EPHB4: variants seen among roughly 807,000 people sequenced by gnomAD.
EPHB4 encodes the protein EPH receptor B4.
A neutral mutation model predicts 110.6 loss-of-function variants in EPHB4; 50 were observed. The observed-to-expected ratio is 0.45, with a 90% CI of 0.36 to 0.57. The LOEUF (loss-of-function observed/expected upper bound fraction) is 0.57, where lower values mean the gene tolerates loss of function less well. Among genes scored for constraint, EPHB4 ranks in the 20% least tolerant of loss-of-function variants. The pLI is 0.00. For missense variants in EPHB4, 1,128 were observed against 1,382.1 expected, an observed-to-expected ratio of 0.82 and a Z score of 2.91; for synonymous variants, 592 against 578.4, an observed-to-expected ratio of 1.02 and a Z score of -0.34.
intron 12 of EPHB4, among the ~76,000 whole-genome samples, chr7:100,809,754 T>C (rs959131245): frequency 6.6e-6 from 1 of 152,198 alleles, no homozygotes; most frequent in African/African-American, 2.4e-5. Context: ...CCTCGAGTGA[T>C]CCACCAGCCT....
chr7:100,807,341 ACCCAGTATTACC>A lies in EPHB4; in HGVS notation c.2334+12_2334+23del, dbSNP rs1812837938. ...GCCCACCTGGCCCTAAGAAGCTCAC[ACCCAGTATTACC>A]CCCAGCATTACCAGGGAGCTCGTGT... On this transcript the variant is annotated intron_variant, in intron 13 of 16. Transcript: ENST00000358173. The A allele has an allele frequency of 6.2e-7, 1 of 1,610,600 alleles. No homozygotes were observed. Among genetic ancestry groups the A allele is most frequent in the Non-Finnish European group, 8.5e-7 (1 of 1,178,820 alleles).
At chr7:100,815,033 A>C (rs958315812) in intron 8 of EPHB4, among the ~76,000 whole-genome samples, 2 of 141,452 alleles carry the variant, frequency 1.4e-5, no homozygotes, top group African/African-American at 5.3e-5. Context: ...AAAAACAAAA[A>C]ACAGGCCAGG....
intron 5 of EPHB4, 28 bp from the exon 6 acceptor site, chr7:100,819,917 G>A (rs1813177697): frequency 6.5e-7 from 1 of 1,530,346 alleles, no homozygotes; most frequent in African/African-American, 1.4e-5. Flanking sequence ...GTCAGGCAGA[G>A]GCCGACCTGC....
chr7:100,827,074 C>A lies in EPHB4; in HGVS notation c.-44G>T. The A allele has an allele frequency of 6.5e-7, 1 of 1,547,602 alleles. No individual in the cohort carries two copies. Among genetic ancestry groups the A allele is most frequent in the Non-Finnish European group, 8.7e-7 (1 of 1,144,370 alleles). On this transcript the variant is annotated 5_prime_UTR_variant, in exon 1 of 17. Coordinates refer to ENST00000358173, the MANE Select transcript of EPHB4 (RefSeq NM_004444.5). ...TAGGATCCGAACTGAGTTTGGGGGG[C>A]CCTCGCCCCCCCAGGTCTGACTCTC...
rs542686005 is a variant in EPHB4, at chr7:100,822,409, C to A, written c.670G>T (p.Val224Leu). ...CCAGGGGCGGGGACGGCATCCACCACGCAGCTACCGGCCACGGGCACAACC... is the reference window on the plus strand; with the variant it reads ...CCAGGGGCGGGGACGGCATCCACCAAGCAGCTACCGGCCACGGGCACAACC... ...ELVVPVAGSC[V>L]VDAVPAPGPS... The change falls in exon 4 of 17, where the codon GTG becomes TTG. Residue 224 changes from valine (V) to leucine (L), a missense_variant. Coordinates refer to ENST00000358173, the MANE Select transcript of EPHB4 (RefSeq NM_004444.5). The surrounding 1 kb of genome is among the most constrained non-coding windows in gnomAD (Gnocchi z 4.7). 5.0e-6 allele frequency: 8 copies of A among 1,585,886 alleles called. No homozygotes were observed. The highest frequency in any genetic ancestry group is 1.3e-5 in the African/African-American group (1 of 74,674).
rs750195537 is a variant in EPHB4 at position 100,813,306 on chromosome 7, G to GTT, written c.1757-100_1757-99dup. ...TTAGCCCCAAACCCCTGTCTCCGTGGTTTTTTTTTTTTTTTTTTTTTTTCC... is the reference window on the plus strand; with the variant it reads ...TTAGCCCCAAACCCCTGTCTCCGTGGTTTTTTTTTTTTTTTTTTTTTTTTTCC... On this transcript the variant is annotated intron_variant, in intron 10 of 16. Transcript: ENST00000358173. 30,715 of 373,352 alleles carry GTT rather than the reference G, an allele frequency of 0.082. 618 individuals carry two copies. Among genetic ancestry groups the GTT allele is most frequent in the East Asian group, 0.27 (4,520 of 16,850 alleles). 23.1% of individuals were successfully genotyped at this position (373,352 alleles called of 1,614,324 possible).
rs1308490417 is a variant in EPHB4, at chr7:100,827,376, G to A, written c.-346C>T. On this transcript the variant is annotated 5_prime_UTR_variant, in exon 1 of 17. Coordinates refer to ENST00000358173, the MANE Select transcript of EPHB4 (RefSeq NM_004444.5). ...CGCTCGCGGTCTCCCCCCCTCCCTGGAGTGGCTCTGCTCGCGCCGCCGGGC... is the reference window on the plus strand; with the variant it reads ...CGCTCGCGGTCTCCCCCCCTCCCTGAAGTGGCTCTGCTCGCGCCGCCGGGC... The A allele has an allele frequency of 1.3e-5, 2 of 150,846 alleles. No individual in the cohort carries two copies. The highest frequency in any genetic ancestry group is 3.0e-5 in the Non-Finnish European group (2 of 67,618). 9.3% of individuals were successfully genotyped at this position (150,846 alleles called of 1,614,324 possible).
In EPHB4 at chr7:100,822,520, G is replaced by A. The variant is rs1813261463; in HGVS notation, c.559C>T (p.Leu187=). 6.2e-7 allele frequency: 1 copy of A among 1,613,376 alleles called. No homozygotes were observed. Among genetic ancestry groups the A allele is most frequent in the Non-Finnish European group, 8.5e-7 (1 of 1,179,958 alleles). The stretch of plus-strand genomic sequence containing the variant: ...TTGTAGAAGAGGTGCAGGGATAGCA[G>A]GGCCATGCAGGCACCCTGGTCCTGG... ...AFQDQGACMA[L]LSLHLFYKKC... The change falls in exon 4 of 17, where the codon CTG becomes TTG. Residue 187 remains leucine (L), a synonymous_variant. Transcript: ENST00000358173. This position sits in a 1 kb window ranked among gnomAD's most constrained non-coding sequence, Gnocchi z 4.7.
Position 100,807,458 on chromosome 7 carries a change from T to C in EPHB4, c.2241A>G (p.Leu747=), listed in dbSNP as rs1728564759. ...VHRDLAARNI[L]VNSNLVCKVS... ...CTTTGCAGACGAGGTTGCTGTTGAC[T>C]AGGATGTTGCGAGCAGCCAGGTCTC... is the stretch of plus-strand genomic sequence containing the variant. The change falls in exon 13 of 17, where the codon CTA becomes CTG. Residue 747 remains leucine, a synonymous_variant. Transcript: ENST00000358173. 4.3e-6 allele frequency: 7 copies of C among 1,612,574 alleles called. No homozygotes were observed. In the South Asian group the frequency reaches 4.4e-5, roughly 10 times the overall value.
intron 6 of EPHB4, among the ~76,000 whole-genome samples, chr7:100,818,932 G>C (rs1813150487): frequency 6.6e-6 from 1 of 152,068 alleles, no homozygotes; most frequent in Non-Finnish European, 1.5e-5. Flanking sequence ...CTGACCTTGT[G>C]ATCAGCCTGG....
At chr7:100,819,431 G>GC in intron 6 of EPHB4, 126 bp downstream of exon 6, 1 of 1,095,570 alleles carries the variant, frequency 9.1e-7, no homozygotes, top group Non-Finnish European at 1.3e-6. Context: ...TCTGCCTCTT[G>GC]CCCCCAAAGC....
chr7:100,821,894 C>T (rs1230357812), intron 4 of EPHB4, among the ~76,000 whole-genome samples: 6 of 151,804 alleles, frequency 4.0e-5, no homozygotes, highest in East Asian at 3.9e-4. Context: ...GGTGTGGTGA[C>T]GCACGCCTGT....
At chr7:100,826,849 T>A in intron 1 of EPHB4, 130 bp downstream of exon 1, 5 of 687,290 alleles carry the variant, frequency 7.3e-6, no homozygotes, top group Non-Finnish European at 8.5e-6. Context: ...GCACTATCGG[T>A]CCGAAGTGTT....
At chr7:100,817,921 C>A (rs940408273) in intron 7 of EPHB4, among the ~76,000 whole-genome samples, 2 of 119,428 alleles carry the variant, frequency 1.7e-5, no homozygotes, top group African/African-American at 6.2e-5. Flanking sequence ...GGCCGGACTG[C>A]AGTGGCGCTA....
chr7:100,815,714 T>TGGC (rs1813050255), intron 8 of EPHB4, among the ~76,000 whole-genome samples: 1 of 151,840 alleles, frequency 6.6e-6, no homozygotes, highest in South Asian at 2.1e-4. Flanking sequence ...ATGCTGGGTG[T>TGGC]GGCGGCTCAT....
intron 1 of EPHB4, 104 bp downstream of exon 1, chr7:100,826,875 C>A (rs1813412968): frequency 7.4e-7 from 1 of 1,353,702 alleles, no homozygotes; most frequent in Admixed American, 2.4e-5. Flanking sequence ...CTGCAGTGCC[C>A]GGGTAGGGGT....
At position 100,807,504 on chromosome 7, in the gene EPHB4, G is replaced by A; in HGVS notation, c.2195C>T (p.Ala732Val). Residue 732 changes from alanine (A) to valine (V), a missense_variant, in exon 13 of 17, where the codon GCC becomes GTC. Coordinates refer to ENST00000358173, the MANE Select transcript of EPHB4 (RefSeq NM_004444.5). ...RGIASGMRYLAEMSYVHRDLA... is the reference protein window; with the variant it reads ...RGIASGMRYLVEMSYVHRDLA... ...GTCTCGGTGGACGTAGCTCATCTCG[G>A]CAAGGTACCGCATGCCCGAGGCGAT... 6.2e-7 allele frequency: 1 copy of A among 1,606,446 alleles called. No individual in the cohort carries two copies. The highest frequency in any genetic ancestry group is 8.5e-7 in the Non-Finnish European group (1 of 1,176,980).
intron 8 of EPHB4, among the ~76,000 whole-genome samples, chr7:100,814,416 T>G (rs999115539): frequency 1.3e-5 from 2 of 152,164 alleles, no homozygotes; most frequent in Admixed American, 6.6e-5. Context: ...TAGCTGGGAT[T>G]ACAGGTGTGT....
intron 6 of EPHB4, among the ~76,000 whole-genome samples, chr7:100,819,148 T>C (rs945554012): frequency 1.3e-5 from 2 of 152,152 alleles, no homozygotes; most frequent in African/African-American, 4.8e-5. Context: ...CACACTGCTC[T>C]GTCACCCAGG....
Sources: gnomAD v4.1 joint callset for allele counts (sites outside exome capture counted in the v4.1 genomes callset) on GRCh38, gnomAD v4.1.1 for gene constraint, Gnocchi (gnomAD v3.1) non-coding constraint, MANE v1.5 for transcripts, NCBI Gene and HGNC (gene_info 2026-07-23, HGNC 2026-07-21) for gene names.